The following SEMA5B variants were observed in gnomAD, a reference collection of about 807,000 sequenced individuals.
SEMA5B encodes semaphorin 5B.
A neutral mutation model predicts 135.0 loss-of-function variants in SEMA5B; 66 were observed. That is an observed-to-expected ratio of 0.49 (90% CI 0.40 to 0.60). SEMA5B has a LOEUF of 0.60. SEMA5B is among the 20% of genes least tolerant of loss of function. The pLI is 0.00. For missense variants in SEMA5B, 1,501 were observed against 1,566.3 expected (o/e 0.96, Z 0.70); for synonymous variants, 690 against 639.5 (o/e 1.08, Z -1.19).
intron 1 of SEMA5B, among the ~76,000 whole-genome samples, chr3:122,967,736 C>A (rs1189079574): frequency 6.6e-6 from 1 of 152,264 alleles, no homozygotes; most frequent in Non-Finnish European, 1.5e-5. Context: ...AGGACACTAC[C>A]TGCTCAGTCA....
At chr3:123,016,044 C>T (rs564018214) in intron 1 of SEMA5B, among the ~76,000 whole-genome samples, 16 of 152,316 alleles carry the variant, frequency 1.1e-4, no homozygotes, top group East Asian at 7.7e-4. Context: ...AGAACCTGCT[C>T]ATGCTCACAG....
At chr3:122,939,702 A>G (rs1300313696) in intron 4 of SEMA5B, among the ~76,000 whole-genome samples, 1 of 152,192 alleles carries the variant, frequency 6.6e-6, no homozygotes, top group African/African-American at 2.4e-5. Context: ...TAAATGGCCC[A>G]AGTCACCAAG....
intron 1 of SEMA5B, among the ~76,000 whole-genome samples, chr3:122,998,253 C>T (rs932041150): frequency 6.6e-6 from 1 of 152,170 alleles, no homozygotes; most frequent in African/African-American, 2.4e-5. Flanking sequence ...GCAAGACCCA[C>T]TTCACTCTGG....
chr3:122,919,430 C>T (rs976875028), intron 12 of SEMA5B, among the ~76,000 whole-genome samples: 1 of 152,100 alleles, frequency 6.6e-6, no homozygotes, highest in African/African-American at 2.4e-5. Flanking sequence ...TTGGAGGTGC[C>T]CCGTGGGGCT....
At chr3:122,946,386 G>C (rs569480293) in intron 3 of SEMA5B, among the ~76,000 whole-genome samples, 20 of 152,168 alleles carry the variant, frequency 1.3e-4, no homozygotes, top group Non-Finnish European at 2.6e-4. Flanking sequence ...AGCTCAGTCA[G>C]GTGTCAGGGG....
chr3:122,922,473 C>A, intron 10 of SEMA5B, 26 bp from the exon 11 acceptor site: 1 of 1,559,428 alleles, frequency 6.4e-7, no homozygotes, highest in South Asian at 1.2e-5. Flanking sequence ...AGGTCACGCG[C>A]GCCCCGGCCA....
chr3:122,947,354 G>A (rs909672548), intron 3 of SEMA5B, among the ~76,000 whole-genome samples: 3 of 152,032 alleles, frequency 2.0e-5, no homozygotes, highest in African/African-American at 4.8e-5. Flanking sequence ...CCTGAGAGGA[G>A]CCAACCCACA....
intron 1 of SEMA5B, among the ~76,000 whole-genome samples, chr3:123,011,663 G>T (rs1942440404): frequency 6.6e-6 from 1 of 152,298 alleles, no homozygotes; most frequent in South Asian, 2.1e-4. Context: ...CAGAAAGTGA[G>T]CCCAGGACAC....
intron 1 of SEMA5B, among the ~76,000 whole-genome samples, chr3:122,985,150 C>T (rs1941659205): frequency 6.6e-6 from 1 of 152,094 alleles, no homozygotes; most frequent in Non-Finnish European, 1.5e-5. Context: ...TCCTGAGAAT[C>T]CAAGTACATT....
At chr3:122,971,194 G>A (rs1941098587) in intron 1 of SEMA5B, among the ~76,000 whole-genome samples, 1 of 152,226 alleles carries the variant, frequency 6.6e-6, no homozygotes, top group Non-Finnish European at 1.5e-5. Flanking sequence ...GAGCAGGATG[G>A]GAGAATTATC....
intron 1 of SEMA5B, among the ~76,000 whole-genome samples, chr3:122,991,623 C>T (rs769151876): frequency 4.6e-5 from 7 of 152,036 alleles, no homozygotes; most frequent in African/African-American, 1.2e-4. Flanking sequence ...GCACCCTCCA[C>T]GCCATGATTA....
chr3:122,943,309 A>AGGGCCCAGCAGAGAGGATG (rs1939644839), intron 4 of SEMA5B, 127 bp downstream of exon 4: 2 of 619,704 alleles, frequency 3.2e-6, no homozygotes, highest in African/African-American at 1.8e-5. Context: ...CCACAAGGAG[A>AGGGCCCAGCAGAGAGGATG]GGGCCCAGCA....
chr3:122,926,491 C>A lies in SEMA5B; in HGVS notation c.1037G>T (p.Cys346Phe). Residue 346 changes from cysteine (C) to phenylalanine (F), a missense_variant, in exon 9 of 23, where the codon TGC (cysteine) becomes TTC (phenylalanine). By Grantham distance (205) the Cys-to-Phe change is radical. Around this residue, in one of 2 missense-constraint regions of SEMA5B, gnomAD observed 574 missense variants for 684.7 expected, o/e 0.84. Coordinates refer to ENST00000357599, the MANE Select transcript of SEMA5B (RefSeq NM_001031702.4). ...WTTFMKARLNCSRPGEVPFYY... is the reference protein window; with the variant it reads ...WTTFMKARLNFSRPGEVPFYY... ...GAAGGGGACCTCGCCCGGGCGGGAG[C>A]AGTTGAGCCGGGCCTTCATGAATGT... 1 of 1,614,252 alleles carries A rather than the reference C, an allele frequency of 6.2e-7. No individual in the cohort carries two copies. The highest frequency in any genetic ancestry group is 8.5e-7 in the Non-Finnish European group (1 of 1,180,050).
At chr3:122,922,487 G>A (rs1440540992) in intron 10 of SEMA5B, 40 bp from the exon 11 acceptor site, 63 of 1,536,718 alleles carry the variant, frequency 4.1e-5, no homozygotes, top group Non-Finnish European at 5.4e-5. Flanking sequence ...CCGGCCACCA[G>A]GGCTGCCGCC....
Position 123,009,103 on chromosome 3 carries a change from T to C in SEMA5B, c.-39+18361A>G, listed in dbSNP as rs1436503203. Among the ~76,000 whole-genome samples, 3 of 152,174 alleles carry C rather than the reference T, an allele frequency of 2.0e-5. No individual in the cohort carries two copies. In the East Asian group the frequency reaches 5.8e-4, roughly 29 times the overall value. On this transcript the variant is annotated intron_variant, in intron 1 of 22. Transcript: ENST00000357599. ...GGTGGACCCGTGGCAGGGCAATTTC[T>C]TTATGGACAGAGCGGCTGGCAGGAA...
chr3:122,910,069 T>C lies in SEMA5B; in HGVS notation c.*74A>G. ...CTAGTGCAGAGGGAGAAAACCAAAC[T>C]GGCTCCACTGTCCCATCTCCATCTG... On this transcript the variant is annotated 3_prime_UTR_variant, in exon 23 of 23. Transcript: ENST00000357599. 2 of 1,512,602 alleles carry C rather than the reference T, an allele frequency of 1.3e-6. 1 individual carries two copies. The highest frequency in any genetic ancestry group is 2.6e-5 in the South Asian group (2 of 77,394). The allele number at this position is 1,512,602 out of a possible 1,614,324, so 93.7% of individuals were successfully genotyped here.
intron 12 of SEMA5B, among the ~76,000 whole-genome samples, 159 bp downstream of exon 12, chr3:122,921,756 C>G (rs188537038): frequency 8.9e-4 from 135 of 152,348 alleles, no homozygotes; most frequent in African/African-American, 3.1e-3. Context: ...AGATGTTTTA[C>G]GAGGAGAGAA....
chr3:122,933,501 A>G, intron 5 of SEMA5B, among the ~76,000 whole-genome samples: 1 of 152,164 alleles, frequency 6.6e-6, no homozygotes, highest in African/African-American at 2.4e-5. Context: ...CTCCTTAATA[A>G]CAGTGTCCTG....
intron 1 of SEMA5B, among the ~76,000 whole-genome samples, chr3:123,016,890 ATTTTTTT>A (rs59106085): frequency 1.8e-5 from 2 of 108,736 alleles, no homozygotes; most frequent in South Asian, 5.7e-4. Flanking sequence ...CCTCAGGTGC[ATTTTTTT>A]TTTTTTTTTT....
Sources: allele counts gnomAD v4.1 joint callset (sites outside exome capture counted in the v4.1 genomes callset), GRCh38; gene constraint gnomAD v4.1.1; regional missense constraint gnomAD v4.1.1; transcripts MANE v1.5; gene names NCBI Gene and HGNC (gene_info 2026-07-23, HGNC 2026-07-21).